Variants in KANSL1 observed in about 807,000 individuals in gnomAD.
KANSL1 encodes the protein KAT8 regulatory NSL complex subunit 1, also known as MLL1/MLL complex subunit KANSL1.
Under a neutral mutation model 103.6 loss-of-function variants are expected in KANSL1, and 22 were observed. The observed-to-expected ratio is 0.21, with a 90% CI of 0.15 to 0.30. KANSL1 has a LOEUF of 0.30. Ranked by LOEUF, KANSL1 falls within the 10% of genes least tolerant of loss-of-function variation. The pLI is 1.00. For missense variants in KANSL1, 1,337 were observed against 1,399.8 expected (o/e 0.96, Z 0.72); for synonymous variants, 600 against 527.6 (o/e 1.14, Z -1.88).
At chr17:46,056,474 A>G (rs2077934916) in intron 6 of KANSL1, among the ~76,000 whole-genome samples, 1 of 152,200 alleles carries the variant, frequency 6.6e-6, no homozygotes, top group Admixed American at 6.5e-5. Context: ...CTGTGTCTTC[A>G]TCTTTACTAA....
chr17:46,198,587 C>G (rs1421250762), upstream of KANSL1, among the ~76,000 whole-genome samples: 1 of 152,120 alleles, frequency 6.6e-6, no homozygotes, highest in Non-Finnish European at 1.5e-5. Context: ...CAAAAATTAG[C>G]CTGGCATTGT....
At chr17:46,218,086 C>T (rs2048397369) in intron 1 of KANSL1, among the ~76,000 whole-genome samples, 1 of 152,178 alleles carries the variant, frequency 6.6e-6, no homozygotes, top group Non-Finnish European at 1.5e-5. Flanking sequence ...TATGCTGCCA[C>T]CAGAAGCTAG....
intron 2 of KANSL1, among the ~76,000 whole-genome samples, chr17:46,100,139 T>G (rs1195576484): frequency 6.6e-6 from 1 of 152,368 alleles, no homozygotes; most frequent in South Asian, 2.1e-4. Flanking sequence ...CATAGATCTT[T>G]CCTGTGTTTG....
intron 2 of KANSL1, among the ~76,000 whole-genome samples, chr17:46,163,099 C>T (rs1163902576): frequency 6.6e-6 from 1 of 152,202 alleles, no homozygotes; most frequent in African/African-American, 2.4e-5. Flanking sequence ...CCTGTAGCAC[C>T]CACAACAATC....
intron 2 of KANSL1, among the ~76,000 whole-genome samples, chr17:46,160,735 A>G (rs1597839790): frequency 6.6e-6 from 1 of 152,222 alleles, no homozygotes; most frequent in Admixed American, 6.5e-5. Context: ...TTAATGTATA[A>G]TAGTCTTCTG....
At chr17:46,146,819 C>T (rs954897341) in intron 2 of KANSL1, among the ~76,000 whole-genome samples, 3 of 127,530 alleles carry the variant, frequency 2.4e-5, no homozygotes, top group African/African-American at 9.7e-5. Context: ...GGCGACAGAG[C>T]GAGACTCCGT....
At chr17:46,116,031 G>A (rs1053978330) in intron 2 of KANSL1, among the ~76,000 whole-genome samples, 1 of 152,172 alleles carries the variant, frequency 6.6e-6, no homozygotes, top group Non-Finnish European at 1.5e-5. Context: ...ACTAACTATA[G>A]AATCATAGAC....
chr17:46,114,372 C>A (rs2042953758), intron 2 of KANSL1, among the ~76,000 whole-genome samples: 1 of 147,154 alleles, frequency 6.8e-6, no homozygotes, highest in South Asian at 2.1e-4. Flanking sequence ...AAAACAAAAA[C>A]AAAAAAACTA....
intron 2 of KANSL1, among the ~76,000 whole-genome samples, chr17:46,112,134 A>G (rs1332993519): frequency 1.3e-5 from 2 of 152,150 alleles, no homozygotes; most frequent in Non-Finnish European, 2.9e-5. Flanking sequence ...TGGGAGCCCA[A>G]GGTGGGTGGA....
At chr17:46,221,247 G>A (rs527517963) in intron 1 of KANSL1, 31 of 152,062 alleles carry the variant, frequency 2.0e-4, no homozygotes, top group Admixed American at 5.2e-4. Flanking sequence ...GCATCCAGCA[G>A]CCCTAAGAAC....
At chr17:46,083,166 A>G (rs2079043310) in intron 3 of KANSL1, among the ~76,000 whole-genome samples, 1 of 152,212 alleles carries the variant, frequency 6.6e-6, no homozygotes, top group African/African-American at 2.4e-5. Context: ...CATAAAAAGA[A>G]ATTAAAAATG....
At chr17:46,200,307 G>A (rs1429021668) in intron 1 of KANSL1, among the ~76,000 whole-genome samples, 1 of 152,198 alleles carries the variant, frequency 6.6e-6, no homozygotes. Context: ...TTTTCCAAAG[G>A]AAACATAAAG....
chr17:46,216,825 C>G (rs142525330), intron 1 of KANSL1, among the ~76,000 whole-genome samples: 2,435 of 151,958 alleles, frequency 0.016, 68 homozygotes, highest in African/African-American at 0.052. Flanking sequence ...ACTCCAGGGG[C>G]CTGGGCACAG....
chr17:46,127,742 C>T (rs192784371), intron 2 of KANSL1, among the ~76,000 whole-genome samples: 1 of 151,442 alleles, frequency 6.6e-6, no homozygotes, highest in South Asian at 2.1e-4. Flanking sequence ...TGCACCAATG[C>T]ACTCCAGCCT....
At chr17:46,094,780 A>G (rs1231822636) in intron 2 of KANSL1, 79 bp from the exon 3 acceptor site, 29 of 1,558,408 alleles carry the variant, frequency 1.9e-5, no homozygotes, top group Non-Finnish European at 2.4e-5. Flanking sequence ...AGTGGAATTT[A>G]ACTTTTAAAG....
chr17:46,116,671 C>T (rs1479598182), intron 2 of KANSL1, among the ~76,000 whole-genome samples: 1 of 151,844 alleles, frequency 6.6e-6, no homozygotes, highest in Admixed American at 6.5e-5. Context: ...CCAGCCTCTT[C>T]CAGAGGTTCC....
chr17:46,121,705 G>C (rs1179544246), intron 2 of KANSL1, among the ~76,000 whole-genome samples: 2 of 151,586 alleles, frequency 1.3e-5, no homozygotes, highest in Non-Finnish European at 2.9e-5. Context: ...AGCAACTGAG[G>C]TTTCTGGCCT....
intron 1 of KANSL1, among the ~76,000 whole-genome samples, chr17:46,205,183 G>A (rs183027853): frequency 1.1e-3 from 164 of 152,274 alleles, no homozygotes; most frequent in African/African-American, 3.8e-3. Context: ...ACCTTTATTT[G>A]CAGATGATAT....
intron 2 of KANSL1, among the ~76,000 whole-genome samples, chr17:46,104,763 C>A (rs1383452506): frequency 6.6e-6 from 1 of 152,052 alleles, no homozygotes; most frequent in Non-Finnish European, 1.5e-5. Flanking sequence ...TAGGACTGAA[C>A]ATGGAATTTG....
Sources: allele counts gnomAD v4.1 joint callset (sites outside exome capture counted in the v4.1 genomes callset), GRCh38; gene constraint gnomAD v4.1.1; transcripts MANE v1.5; gene names NCBI Gene and HGNC (gene_info 2026-07-23, HGNC 2026-07-21).